EPC1: variants seen among roughly 807,000 people sequenced by gnomAD.
EPC1 encodes the protein enhancer of polycomb 1, also known as enhancer of polycomb homolog 1.
Under a neutral mutation model 98.4 loss-of-function variants are expected in EPC1, and 12 were observed. The ratio of observed to expected loss-of-function variants is 0.12; its 90% CI spans 0.08 to 0.20. The LOEUF (loss-of-function observed/expected upper bound fraction) is 0.20. EPC1 is among the 10% of genes least tolerant of loss of function. The pLI is 1.00. For synonymous variants in EPC1, 357 were observed against 363.9 expected, an observed-to-expected ratio of 0.98 and a Z score of 0.21; for missense variants, 729 against 990.5, an observed-to-expected ratio of 0.74 and a Z score of 3.54.
At chr10:32,293,880 T>C in intron 2 of EPC1, 143 bp from the exon 3 acceptor site, 2 of 742,714 alleles carry the variant, frequency 2.7e-6, no homozygotes, top group Non-Finnish European at 4.2e-6. Flanking sequence ...TCGCAAACAA[T>C]CTAAGCTTAG....
chr10:32,353,439 C>G (rs1259158028), intron 1 of EPC1, among the ~76,000 whole-genome samples: 1 of 152,116 alleles, frequency 6.6e-6, no homozygotes, highest in East Asian at 1.9e-4. Flanking sequence ...GAAAGAATGA[C>G]AGCCAGAATG....
chr10:32,294,476 A>G (rs933561334), intron 2 of EPC1, among the ~76,000 whole-genome samples: 3 of 152,228 alleles, frequency 2.0e-5, no homozygotes, highest in Admixed American at 1.3e-4. Context: ...ACATGAGGGC[A>G]GGTGTATAAT....
At chr10:32,272,899 G>A in intron 11 of EPC1, 2 of 782,506 alleles carry the variant, frequency 2.6e-6, no homozygotes, top group Non-Finnish European at 4.2e-6. Context: ...ATATTCAAGA[G>A]GTACATTAAT....
At chr10:32,273,487 A>C (rs1258614052) in intron 10 of EPC1, among the ~76,000 whole-genome samples, 1 of 152,210 alleles carries the variant, frequency 6.6e-6, no homozygotes. Flanking sequence ...TTAAAGAAAA[A>C]AAAAATTAAA....
intron 1 of EPC1, among the ~76,000 whole-genome samples, chr10:32,334,819 A>T (rs1837857638): frequency 6.6e-6 from 1 of 152,170 alleles, no homozygotes; most frequent in Non-Finnish European, 1.5e-5. Flanking sequence ...TATCAACAGC[A>T]TCTCCCAATA....
rs532821344 is a variant in EPC1, at chr10:32,278,230, G to A, written c.1745-4949C>T. Among the ~76,000 whole-genome samples the A allele has an allele frequency of 1.1e-3, 172 of 151,174 alleles. 1 individual carries two copies. Among genetic ancestry groups the A allele is most frequent in the African/African-American group, 3.9e-3 (162 of 41,182 alleles). ...TAATTTTTGTATTTTTAGTAGAGACGGAGTTTTCGCCATGTTTGCCAGGCT... is the reference window on the plus strand; with the variant it reads ...TAATTTTTGTATTTTTAGTAGAGACAGAGTTTTCGCCATGTTTGCCAGGCT... On this transcript the variant is annotated intron_variant, in intron 10 of 13. Transcript: ENST00000319778.
At chr10:32,280,478 C>A (rs60838408) in intron 10 of EPC1, among the ~76,000 whole-genome samples, 1 of 150,302 alleles carries the variant, frequency 6.7e-6, no homozygotes, top group Non-Finnish European at 1.5e-5. Flanking sequence ...CGGTGGCTCA[C>A]GCCTGTAATC....
At position 32,290,071 on chromosome 10, in the gene EPC1, C is replaced by T. The variant is rs114365647; in HGVS notation, c.975+1092G>A. Among the ~76,000 whole-genome samples, 1,469 of 152,268 alleles carry T rather than the reference C, an allele frequency of 9.6e-3. 22 individuals carry two copies. The highest frequency in any genetic ancestry group is 0.033 in the African/African-American group (1,377 of 41,550). ...TTCCTCTCACAAATTTTATTCTTCA[C>T]AAATTGTGACTTAGTTAAGTACTAA... On this transcript the variant is annotated intron_variant, in intron 6 of 13. Transcript: ENST00000319778.
intron 1 of EPC1, among the ~76,000 whole-genome samples, chr10:32,358,662 G>T (rs944010839): frequency 6.7e-6 from 1 of 150,182 alleles, no homozygotes; most frequent in Non-Finnish European, 1.5e-5. Flanking sequence ...GGGCGGGGGG[G>T]GAAGAAAGTG....
chr10:32,340,562 G>T (rs1838276058), intron 1 of EPC1, among the ~76,000 whole-genome samples: 1 of 152,204 alleles, frequency 6.6e-6, no homozygotes, highest in South Asian at 2.1e-4. Context: ...AGGTGCAGTG[G>T]TTCTCGCCTA....
chr10:32,328,329 G>A (rs979609073), intron 1 of EPC1, among the ~76,000 whole-genome samples: 14 of 152,140 alleles, frequency 9.2e-5, no homozygotes, highest in Admixed American at 8.5e-4. Context: ...ACAGGTTACC[G>A]GTAGCAGCGT....
At chr10:32,349,121 T>G (rs868485371), upstream of EPC1, among the ~76,000 whole-genome samples, 1 of 152,212 alleles carries the variant, frequency 6.6e-6, no homozygotes, top group Non-Finnish European at 1.5e-5. Context: ...CCGAAAATAC[T>G]GGCTGAATAT....
At chr10:32,320,163 T>C (rs1480551690) in intron 1 of EPC1, among the ~76,000 whole-genome samples, 1 of 151,426 alleles carries the variant, frequency 6.6e-6, no homozygotes, top group African/African-American at 2.4e-5. Context: ...AACTTTTCTG[T>C]AAGTAAAATT....
chr10:32,357,811 A>C (rs1368261528), intron 1 of EPC1, among the ~76,000 whole-genome samples: 1 of 148,984 alleles, frequency 6.7e-6, no homozygotes, highest in Non-Finnish European at 1.5e-5. Context: ...TACAATATAG[A>C]GATAATACAG....
chr10:32,336,304 G>A (rs1053808372), intron 1 of EPC1, among the ~76,000 whole-genome samples: 4 of 50,274 alleles, frequency 8.0e-5, no homozygotes, highest in African/African-American at 1.7e-4. Flanking sequence ...TCCTGAGCTC[G>A]TGATCCACCT....
intron 6 of EPC1, among the ~76,000 whole-genome samples, chr10:32,288,307 T>G (rs1196642167): frequency 7.0e-6 from 1 of 142,834 alleles, no homozygotes; most frequent in Non-Finnish European, 1.5e-5. Flanking sequence ...ATCTATTACT[T>G]TTTTCTTTTT....
upstream of EPC1, among the ~76,000 whole-genome samples, chr10:32,350,060 T>G (rs764535012): frequency 6.6e-6 from 1 of 152,250 alleles, no homozygotes; most frequent in Admixed American, 6.5e-5. Flanking sequence ...TTCTTTTCTG[T>G]TCTCAACTTA....
chr10:32,291,228 T>C lies in EPC1; in HGVS notation c.910A>G (p.Ile304Val), dbSNP rs751982550. 15 of 1,613,858 alleles carry C rather than the reference T, an allele frequency of 9.3e-6. No homozygotes were observed. The East Asian group carries it at 3.1e-4, about 34-fold the overall frequency. Residue 304 changes from isoleucine to valine, a missense_variant, in exon 6 of 14, where the codon ATT (isoleucine) becomes GTT (valine). By Grantham distance (29) the Ile-to-Val change is conservative (BLOSUM62 3). Coordinates refer to ENST00000319778, the MANE Select transcript of EPC1 (RefSeq NM_001272004.3). ...KPTYAIPIIP[I>V]TNSSQFKHQE... ...TGTTTAAATTGACTGCTATTAGTAA[T>C]AGGGATGATGGGGATGGCATAAGTA...
At chr10:32,326,117 T>C (rs919171376) in intron 1 of EPC1, among the ~76,000 whole-genome samples, 1 of 151,710 alleles carries the variant, frequency 6.6e-6, no homozygotes, top group Non-Finnish European at 1.5e-5. Flanking sequence ...CTGCAAGGAG[T>C]TGTAGGACAG....
Sources: gnomAD v4.1 joint callset for allele counts (sites outside exome capture counted in the v4.1 genomes callset) on GRCh38, gnomAD v4.1.1 for gene constraint, MANE v1.5 for transcripts, NCBI Gene and HGNC (gene_info 2026-07-23, HGNC 2026-07-21) for gene names.